EP300: variants seen among roughly 807,000 people sequenced by gnomAD.
The protein encoded by EP300 is EP300 lysine acetyltransferase.
Under a neutral mutation model 264.0 loss-of-function variants are expected in EP300, and 31 were observed. The ratio of observed to expected loss-of-function variants is 0.12; its 90% CI spans 0.09 to 0.16. EP300 has a LOEUF of 0.16. EP300 is among the 10% of genes least tolerant of loss of function. EP300 has a pLI of 1.00. For missense variants in EP300, 2,766 were observed against 3,052.9 expected (o/e 0.91, Z 2.21); for synonymous variants, 1,340 against 1,045.4 (o/e 1.28, Z -5.44).
intron 8 of EP300, 53 bp downstream of exon 8, chr22:41,137,843 G>A: frequency 6.2e-7 from 1 of 1,612,514 alleles, no homozygotes; most frequent in Non-Finnish European, 8.5e-7. Flanking sequence ...ACGTCAACAT[G>A]TTTTCAATCT....
rs1245841318 is a variant in EP300 at position 41,115,230 on chromosome 22, T to TG, written c.95-1955dup. On this transcript the variant is annotated intron_variant, in intron 1 of 30. Transcript: ENST00000263253. ...TAATTTTCTTCCCCCAGGGGATGTT[T>TG]GGTGATGTCTGGAGACAGTTTTGAT... Among the ~76,000 whole-genome samples the TG allele has an allele frequency of 1.3e-5, 2 of 152,230 alleles. 1 individual carries two copies. The highest frequency in any genetic ancestry group is 4.1e-4 in the South Asian group (2 of 4,838).
chr22:41,101,109 CTG>C (rs1569082011), intron 1 of EP300, among the ~76,000 whole-genome samples: 2 of 152,158 alleles, frequency 1.3e-5, no homozygotes, highest in East Asian at 1.9e-4. Context: ...GAGTCTCACT[CTG>C]TTTCCTAGAC....
chr22:41,116,905 C>A (rs912713088), intron 1 of EP300, among the ~76,000 whole-genome samples: 19 of 152,076 alleles, frequency 1.2e-4, no homozygotes, highest in Admixed American at 3.9e-4. Context: ...ACTAAAAATA[C>A]AAAATTTAGC....
chr22:41,178,772 C>T lies in EP300; in HGVS notation c.7061C>T (p.Ala2354Val), dbSNP rs750705605. 11 of 1,613,944 alleles carry T rather than the reference C, an allele frequency of 6.8e-6. No individual in the cohort carries two copies. Among genetic ancestry groups the T allele is most frequent in the South Asian group, 4.4e-5 (4 of 91,082 alleles). ...TSSPHPGLVA[A>V]QANPMEQGHF... ...TCCCCACATCCTGGACTGGTAGCTG[C>T]CCAGGCCAACCCCATGGAACAAGGG... Residue 2354 changes from alanine to valine, a missense_variant, in exon 31 of 31, where the codon GCC (alanine) becomes GTC (valine). Transcript: ENST00000263253.
chr22:41,161,189 C>G (rs1390883364), intron 20 of EP300, among the ~76,000 whole-genome samples: 3 of 152,178 alleles, frequency 2.0e-5, no homozygotes, highest in Non-Finnish European at 4.4e-5. Context: ...ACAGAAGACC[C>G]AAGTCACTAT....
chr22:41,110,055 C>A (rs910423739), intron 1 of EP300, among the ~76,000 whole-genome samples: 1 of 150,946 alleles, frequency 6.6e-6, no homozygotes, highest in Non-Finnish European at 1.5e-5. Flanking sequence ...GTGATCTGCT[C>A]GCCTCGGCCT....
chr22:41,163,946 C>A (rs981281670), intron 21 of EP300, 107 bp from the exon 22 acceptor site: 103 of 1,021,238 alleles, frequency 1.0e-4, no homozygotes, highest in Non-Finnish European at 1.4e-4. Context: ...ATTTTCAGTT[C>A]TTTGGTCATG....
rs1272929668 is a variant in EP300, at chr22:41,176,979, A to G, written c.5268A>G (p.Pro1756=). 8 of 1,614,158 alleles carry G rather than the reference A, an allele frequency of 5.0e-6. No individual in the cohort carries two copies. Among genetic ancestry groups the G allele is most frequent in the Admixed American group, 3.3e-5 (2 of 60,018 alleles). ...GTCGGAATGCCAATTGCTCACTGCC[A>G]TCCTGCCAGAAGATGAAGCGGGTTG... ...CQCRNANCSL[P]SCQKMKRVVQ... is the part of the protein sequence containing the mutation. Residue 1756 remains proline (P), a synonymous_variant, in exon 31 of 31, where the codon CCA becomes CCG. Coordinates refer to ENST00000263253, the MANE Select transcript of EP300 (RefSeq NM_001429.4).
intron 1 of EP300, among the ~76,000 whole-genome samples, chr22:41,094,471 A>C (rs2058691233): frequency 6.6e-6 from 1 of 152,206 alleles, no homozygotes; most frequent in African/African-American, 2.4e-5. Context: ...AGAAGTAGGA[A>C]TCTTGCGAGT....
intron 16 of EP300, 110 bp downstream of exon 16, chr22:41,152,460 A>C: frequency 1.5e-6 from 2 of 1,303,376 alleles, no homozygotes; most frequent in Non-Finnish European, 2.2e-6. Context: ...TTGTGATTTC[A>C]TTAACCTGGA....
intron 1 of EP300, among the ~76,000 whole-genome samples, chr22:41,111,364 C>G (rs1414768985): frequency 6.6e-6 from 1 of 152,186 alleles, no homozygotes; most frequent in Non-Finnish European, 1.5e-5. Flanking sequence ...TATAACCAGT[C>G]ATCTTGCTAA....
chr22:41,162,663 C>T, intron 20 of EP300, 60 bp from the exon 21 acceptor site: 1 of 1,344,786 alleles, frequency 7.4e-7, no homozygotes, highest in Non-Finnish European at 1.1e-6. Flanking sequence ...TTGGTTAGAA[C>T]AGCAGTCAGA....
intron 2 of EP300, among the ~76,000 whole-genome samples, chr22:41,124,938 T>G (rs1039349393): frequency 4.6e-5 from 7 of 152,030 alleles, no homozygotes; most frequent in African/African-American, 1.4e-4. Context: ...AGTGGGTTTT[T>G]TTTGTTTGTT....
intron 20 of EP300, among the ~76,000 whole-genome samples, chr22:41,161,230 C>T (rs962110965): frequency 1.3e-5 from 2 of 152,088 alleles, no homozygotes; most frequent in South Asian, 2.1e-4. Context: ...AACAGCATGC[C>T]GGGGTTTAAG....
rs142082005 is a variant in EP300 at position 41,131,382 on chromosome 22, C to T, written c.1283-6C>T. 5 of 1,613,516 alleles carry T rather than the reference C, an allele frequency of 3.1e-6. No individual in the cohort carries two copies. In the South Asian group the frequency reaches 4.4e-5, roughly 14 times the overall value. On this transcript the variant is annotated splice_region_variant and splice_polypyrimidine_tract_variant and intron_variant, in intron 5 of 30. Transcript: ENST00000263253. ...TTTGTAATACTATATCTTTTGTCTT[C>T]TCTAGCAATTTTGACTGGAGCACCC...
intron 22 of EP300, among the ~76,000 whole-genome samples, chr22:41,165,832 T>G (rs2059130993): frequency 6.6e-6 from 1 of 152,180 alleles, no homozygotes; most frequent in African/African-American, 2.4e-5. Context: ...TGCAATGGTG[T>G]GATCTCAGCT....
rs2145770558 is a variant in EP300 at position 41,172,660 on chromosome 22, A to G, written c.4614A>G (p.Thr1538=). The G allele has an allele frequency of 6.2e-7, 1 of 1,612,592 alleles. No homozygotes were observed. The highest frequency in any genetic ancestry group is 8.5e-7 in the Non-Finnish European group (1 of 1,179,060). Residue 1538 remains threonine (T), a synonymous_variant, in exon 28 of 31, where the codon ACA becomes ACG. Coordinates refer to ENST00000263253, the MANE Select transcript of EP300 (RefSeq NM_001429.4). Reference sequence around the variant, plus strand: ...AGGAAAACACCAGCAATGAAAGCACAGATGTAAGGGCATTGAGTTTCCTTT... The same window carrying G: ...AGGAAAACACCAGCAATGAAAGCACGGATGTAAGGGCATTGAGTTTCCTTT... The part of the protein sequence containing the change: ...KREENTSNES[T]DVTKGDSKNA...
chr22:41,141,353 G>T, intron 10 of EP300, 131 bp downstream of exon 10: 1 of 964,162 alleles, frequency 1.0e-6, no homozygotes. Flanking sequence ...CCTTTGCAAA[G>T]AAAATAACTC....
chr22:41,176,940 C>A lies in EP300; in HGVS notation c.5229C>A (p.Val1743=). Residue 1743 remains valine (V), a synonymous_variant, in exon 31 of 31, where the codon GTC becomes GTA. Coordinates refer to ENST00000263253, the MANE Select transcript of EP300 (RefSeq NM_001429.4). ...TCCAGCGCTGCATCCAGTCTCTGGTCCATGCTTGCCAGTGTCGGAATGCCA... is the reference window on the plus strand; with the variant it reads ...TCCAGCGCTGCATCCAGTCTCTGGTACATGCTTGCCAGTGTCGGAATGCCA... ...LSIQRCIQSL[V]HACQCRNANC... is the part of the protein sequence containing the mutation. 2 of 1,614,188 alleles carry A rather than the reference C, an allele frequency of 1.2e-6. No individual in the cohort carries two copies.
Sources: gnomAD v4.1 joint callset for allele counts (sites outside exome capture counted in the v4.1 genomes callset) on GRCh38, gnomAD v4.1.1 for gene constraint, MANE v1.5 for transcripts, NCBI Gene and HGNC (gene_info 2026-07-23, HGNC 2026-07-21) for gene names.